The following RAB3IP variants were observed in gnomAD, a reference collection of about 807,000 sequenced individuals.
RAB3IP encodes the protein RAB3A interacting protein.
RAB3IP carries 36 observed loss-of-function variants against 59.1 expected under a neutral mutation model. The observed-to-expected ratio is 0.61, with a 90% CI of 0.47 to 0.80. The LOEUF (loss-of-function observed/expected upper bound fraction) is 0.80. RAB3IP is among the 30% of genes least tolerant of loss of function. The pLI, the probability that RAB3IP is intolerant of heterozygous loss-of-function variation, is 0.00. For missense variants in RAB3IP, 511 were observed against 536.0 expected, an observed-to-expected ratio of 0.95 and a Z score of 0.46; for synonymous variants, 207 against 191.2, an observed-to-expected ratio of 1.08 and a Z score of -0.68.
At chr12:69,771,072 T>G (rs571180831) in intron 3 of RAB3IP, among the ~76,000 whole-genome samples, 1 of 152,340 alleles carries the variant, frequency 6.6e-6, no homozygotes, top group African/African-American at 2.4e-5. Context: ...GAGATCAAAT[T>G]TTTTAGATTT....
intron 3 of RAB3IP, among the ~76,000 whole-genome samples, chr12:69,767,621 C>G (rs1174310155): frequency 6.6e-6 from 1 of 152,216 alleles, no homozygotes; most frequent in Non-Finnish European, 1.5e-5. Context: ...AATTCTTGAT[C>G]TAAGAGAGTT....
At chr12:69,761,075 C>T (rs1199642447) in intron 3 of RAB3IP, among the ~76,000 whole-genome samples, 1 of 152,168 alleles carries the variant, frequency 6.6e-6, no homozygotes, top group East Asian at 1.9e-4. Flanking sequence ...GCTGGTGTTA[C>T]AGTCTTTCAT....
chr12:69,792,253 T>G (rs1190441181), intron 4 of RAB3IP, among the ~76,000 whole-genome samples: 1 of 152,148 alleles, frequency 6.6e-6, no homozygotes, highest in Non-Finnish European at 1.5e-5. Flanking sequence ...CTATATCGTA[T>G]GTTACAAATT....
intron 2 of RAB3IP, 58 bp downstream of exon 2, chr12:69,755,717 T>TA (rs1365424512): frequency 2.9e-6 from 4 of 1,402,770 alleles, no homozygotes; most frequent in Non-Finnish European, 3.9e-6. Flanking sequence ...TTTGCTTAGT[T>TA]ACTATATTTT....
intron 3 of RAB3IP, among the ~76,000 whole-genome samples, chr12:69,772,071 A>T (rs1046785791): frequency 6.6e-6 from 1 of 152,134 alleles, no homozygotes; most frequent in East Asian, 1.9e-4. Context: ...ATGACAGTCT[A>T]TCCTTTTATG....
intron 4 of RAB3IP, among the ~76,000 whole-genome samples, chr12:69,787,848 A>G (rs1327948608): frequency 2.0e-5 from 3 of 152,180 alleles, no homozygotes; most frequent in African/African-American, 7.2e-5. Flanking sequence ...ACATATAGGT[A>G]GTGTTCTATA....
At chr12:69,800,482 A>C (rs968594969) in intron 7 of RAB3IP, 145 bp downstream of exon 7, 20 of 528,726 alleles carry the variant, frequency 3.8e-5, no homozygotes, top group African/African-American at 1.6e-4. Flanking sequence ...ATTCCGTACT[A>C]GAATCATGAT....
rs899389294 is a variant in RAB3IP, at chr12:69,756,451, G to A, written c.298G>A (p.Ala100Thr). 8 of 1,614,090 alleles carry A rather than the reference G, an allele frequency of 5.0e-6. No homozygotes were observed. Among genetic ancestry groups the A allele is most frequent in the Non-Finnish European group, 6.8e-6 (8 of 1,179,968 alleles). ...PAPCSTSGVT[A>T]GLTKLTTRKD... is the part of the protein sequence containing the mutation. Reference sequence around the variant, plus strand: ...CCCTTGCTCTACCTCTGGAGTCACAGCTGGATTAACTAAATTAACTACAAG... The same window carrying A: ...CCCTTGCTCTACCTCTGGAGTCACAACTGGATTAACTAAATTAACTACAAG... Residue 100 changes from alanine to threonine, a missense_variant, in exon 3 of 11, where the codon GCT becomes ACT. Transcript: ENST00000247833.
intron 3 of RAB3IP, among the ~76,000 whole-genome samples, chr12:69,780,287 C>T (rs1352780331): frequency 6.6e-6 from 1 of 152,216 alleles, no homozygotes; most frequent in Non-Finnish European, 1.5e-5. Context: ...GGACCCCTTA[C>T]ACTCTGCTGT....
intron 4 of RAB3IP, among the ~76,000 whole-genome samples, chr12:69,791,081 C>T (rs1372107571): frequency 6.6e-6 from 1 of 152,058 alleles, no homozygotes; most frequent in Non-Finnish European, 1.5e-5. Context: ...CTAAGGACAC[C>T]TAGTGGGGAG....
chr12:69,755,768 G>A, intron 2 of RAB3IP, 109 bp downstream of exon 2: 1 of 880,454 alleles, frequency 1.1e-6, no homozygotes, highest in Non-Finnish European at 1.7e-6. Context: ...ACTTAAGTGT[G>A]CCTAGGTAAA....
chr12:69,740,043 A>G (rs1476080122), intron 1 of RAB3IP, among the ~76,000 whole-genome samples: 1 of 152,162 alleles, frequency 6.6e-6, no homozygotes, highest in East Asian at 1.9e-4. Flanking sequence ...TTGCAGTGGA[A>G]TGATTGCATA....
chr12:69,747,293 C>CGTGTGTGTGTGTGTGTGT (rs111438084), intron 1 of RAB3IP, among the ~76,000 whole-genome samples: 1 of 137,708 alleles, frequency 7.3e-6, no homozygotes, highest in African/African-American at 2.8e-5. Context: ...CTTGCCCTTT[C>CGTGTGTGTGTGTGTGTGT]GTGTGTGTGT....
intron 10 of RAB3IP, among the ~76,000 whole-genome samples, chr12:69,814,275 C>T (rs1389970568): frequency 3.3e-5 from 5 of 152,066 alleles, no homozygotes; most frequent in Non-Finnish European, 2.9e-5. Context: ...GAAAGTGTTA[C>T]GAGTAATGAA....
chr12:69,812,729 G>T (rs1163320194), intron 8 of RAB3IP, 49 bp from the exon 9 acceptor site: 1 of 1,262,958 alleles, frequency 7.9e-7, no homozygotes, highest in Middle Eastern at 2.1e-4. Context: ...AGAAGGTAGG[G>T]GCAAATGCTT....
intron 4 of RAB3IP, among the ~76,000 whole-genome samples, chr12:69,793,596 A>G (rs1195144805): frequency 6.6e-6 from 1 of 152,170 alleles, no homozygotes; most frequent in Non-Finnish European, 1.5e-5. Flanking sequence ...TATTCTATAC[A>G]AGGGCATAAT....
intron 4 of RAB3IP, among the ~76,000 whole-genome samples, chr12:69,786,115 C>T (rs993091847): frequency 4.6e-5 from 7 of 152,000 alleles, no homozygotes; most frequent in African/African-American, 1.7e-4. Flanking sequence ...ATTATTTATT[C>T]ATAATCTATT....
intron 8 of RAB3IP, among the ~76,000 whole-genome samples, chr12:69,804,184 C>T (rs564283675): frequency 0.012 from 1,888 of 152,078 alleles, 34 homozygotes; most frequent in African/African-American, 0.041. Context: ...GTTTAATGAT[C>T]GCCATTCTAA....
At chr12:69,748,562 C>G (rs1049745455) in intron 1 of RAB3IP, among the ~76,000 whole-genome samples, 1 of 152,144 alleles carries the variant, frequency 6.6e-6, no homozygotes, top group Non-Finnish European at 1.5e-5. Flanking sequence ...TTTTGATCAA[C>G]TTTTTCTTGT....
Sources: gnomAD v4.1 joint callset for allele counts (sites outside exome capture counted in the v4.1 genomes callset) on GRCh38, gnomAD v4.1.1 for gene constraint, MANE v1.5 for transcripts, NCBI Gene and HGNC (gene_info 2026-07-23, HGNC 2026-07-21) for gene names.